Variants in ATG3 observed in about 807,000 individuals in gnomAD.
ATG3 encodes ubiquitin-like-conjugating enzyme ATG3.
ATG3 carries 25 observed loss-of-function variants against 50.7 expected under a neutral mutation model. The ratio of observed to expected loss-of-function variants is 0.49; its 90% CI spans 0.36 to 0.69. The LOEUF is 0.69. ATG3 is among the 30% of genes least tolerant of loss of function. The pLI, the probability that ATG3 is intolerant of heterozygous loss-of-function variation, is 0.00. For missense variants in ATG3, 281 were observed against 376.0 expected (o/e 0.75, Z 2.09); for synonymous variants, 119 against 125.5 (o/e 0.95, Z 0.34).
intron 9 of ATG3, 191 bp downstream of exon 9, chr3:112,537,541 ATTG>A: frequency 4.6e-6 from 2 of 430,202 alleles, no homozygotes; most frequent in East Asian, 7.4e-5. Flanking sequence ...TCTTAGCATT[ATTG>A]TTACACTGAA....
At chr3:112,545,857 C>A (rs1933354655) in intron 5 of ATG3, among the ~76,000 whole-genome samples, 1 of 152,064 alleles carries the variant, frequency 6.6e-6, no homozygotes, top group Admixed American at 6.6e-5. Flanking sequence ...GGTCAAACAC[C>A]ATTCTAGATA....
chr3:112,547,295 T>C (rs1933396044), intron 5 of ATG3, among the ~76,000 whole-genome samples: 1 of 152,216 alleles, frequency 6.6e-6, no homozygotes, highest in Non-Finnish European at 1.5e-5. Context: ...GTTCTATTAC[T>C]ACTAAGGATA....
rs200354159 is a variant in ATG3 at position 112,544,091 on chromosome 3, G to A, written c.359C>T (p.Thr120Met). Residue 120 changes from threonine (T) to methionine (M), a missense_variant, in exon 6 of 12, where the codon ACG becomes ATG. By Grantham distance (81) the Thr-to-Met change is moderately conservative. Coordinates refer to ENST00000283290, the MANE Select transcript of ATG3 (RefSeq NM_022488.5). The part of the protein sequence containing the change: ...TYHNTGITGI[T>M]EAVKEITLEN... Reference sequence around the variant, plus strand: ...CAGTGTGATCTCTTTAACGGCTTCCGTTATTCCTGTAATACCTATGTAAAA... The same window carrying A: ...CAGTGTGATCTCTTTAACGGCTTCCATTATTCCTGTAATACCTATGTAAAA... 426 of 1,601,864 alleles carry A rather than the reference G, an allele frequency of 2.7e-4. No individual in the cohort carries two copies. Among genetic ancestry groups the A allele is most frequent in the Non-Finnish European group, 3.2e-4 (371 of 1,169,768 alleles).
chr3:112,533,816 C>G, intron 11 of ATG3: 1 of 985,800 alleles, frequency 1.0e-6, no homozygotes, highest in Non-Finnish European at 1.2e-6. Flanking sequence ...GAAAAATGAA[C>G]GTACTATATT....
chr3:112,559,862 C>T (rs1438029745), intron 1 of ATG3, among the ~76,000 whole-genome samples: 1 of 152,198 alleles, frequency 6.6e-6, no homozygotes, highest in Non-Finnish European at 1.5e-5. Flanking sequence ...CCAAACAAAA[C>T]ATGATTTTTC....
chr3:112,548,762 A>T, intron 4 of ATG3, 122 bp from the exon 5 acceptor site: 1 of 760,124 alleles, frequency 1.3e-6, no homozygotes, highest in Non-Finnish European at 2.2e-6. Context: ...CTAAGTGAAT[A>T]TTTCACTTTT....
chr3:112,558,525 AC>A, intron 1 of ATG3, 108 bp from the exon 2 acceptor site: 1 of 839,508 alleles, frequency 1.2e-6, no homozygotes, highest in Non-Finnish European at 2.0e-6. Context: ...TAGAGCACAT[AC>A]AAAAAAAAAT....
chr3:112,560,726 TA>T (rs548096132), intron 1 of ATG3, among the ~76,000 whole-genome samples: 29 of 150,646 alleles, frequency 1.9e-4, no homozygotes, highest in African/African-American at 5.6e-4. Context: ...AATTTACCTT[TA>T]AAAAAAAAAT....
intron 1 of ATG3, among the ~76,000 whole-genome samples, chr3:112,560,196 A>G (rs1933811189): frequency 6.6e-6 from 1 of 152,258 alleles, no homozygotes; most frequent in East Asian, 1.9e-4. Flanking sequence ...ACAATGGTGT[A>G]TTATTAAAAT....
chr3:112,557,252 C>T (rs1933712522), intron 2 of ATG3, among the ~76,000 whole-genome samples: 1 of 152,102 alleles, frequency 6.6e-6, no homozygotes, highest in South Asian at 2.1e-4. Context: ...GGGGTTTCGC[C>T]CTGTTAGCCT....
intron 11 of ATG3, 35 bp downstream of exon 11, chr3:112,534,234 A>T: frequency 6.3e-7 from 1 of 1,591,476 alleles, no homozygotes; most frequent in Non-Finnish European, 8.5e-7. Flanking sequence ...GTTAACAGCC[A>T]TTTTGCCACT....
chr3:112,555,783 T>C (rs1169503857), intron 2 of ATG3, among the ~76,000 whole-genome samples: 1 of 152,240 alleles, frequency 6.6e-6, no homozygotes, highest in South Asian at 2.1e-4. Context: ...CCCTGCATTA[T>C]GTAATAGACA....
At position 112,536,988 on chromosome 3, in the gene ATG3, C is replaced by CCTAAAT. The variant is rs552515476; in HGVS notation, c.667-392_667-387dup. ...GAAATTACTATTTAGAAACTTTCAG[C>CCTAAAT]CTAAATCTCAAGGTTTATAATATAT... On this transcript the variant is annotated intron_variant, in intron 9 of 11. Transcript: ENST00000283290. 5.0e-3 allele frequency among the ~76,000 whole-genome samples: 718 copies of CCTAAAT among 142,614 alleles called. 1 individual carries two copies. The highest frequency in any genetic ancestry group is 0.018 in the Middle Eastern group (5 of 272). 93.6% of individuals were successfully genotyped at this position (142,614 alleles called of 152,430 possible). A position where few individuals can be genotyped will look rare whatever the true frequency, so the allele number is the denominator to read the frequency against.
At chr3:112,534,918 G>A (rs1015706928) in intron 10 of ATG3, 3 of 152,050 alleles carry the variant, frequency 2.0e-5, no homozygotes, top group Non-Finnish European at 4.4e-5. Context: ...GGTTAGAGTT[G>A]AGAGGTTTGT....
At chr3:112,553,867 G>C (rs1346035618) in intron 2 of ATG3, among the ~76,000 whole-genome samples, 1 of 151,762 alleles carries the variant, frequency 6.6e-6, no homozygotes, top group Non-Finnish European at 1.5e-5. Context: ...AAGCTTTTTT[G>C]CACTTCTAAA....
At chr3:112,554,940 C>T (rs1472753670) in intron 2 of ATG3, among the ~76,000 whole-genome samples, 1 of 151,994 alleles carries the variant, frequency 6.6e-6, no homozygotes, top group East Asian at 1.9e-4. Flanking sequence ...AGACAAAAAC[C>T]AAAATAAAAA....
Position 112,561,632 on chromosome 3 carries a change from G to T in ATG3, c.-104C>A. On this transcript the variant is annotated 5_prime_UTR_variant, in exon 1 of 12. In the 5' UTR this introduces an upstream ATG that the reference lacks. Transcript: ENST00000283290. ...TCCTCGCTGCCACCGACTCGCATCA[G>T]CACCCGGCTGGCAGCACCCGAGGGG... 8.3e-7 allele frequency: 1 copy of T among 1,212,084 alleles called. No homozygotes were observed. Among genetic ancestry groups the T allele is most frequent in the South Asian group, 1.3e-5 (1 of 75,248 alleles). 75.1% of individuals were successfully genotyped at this position (1,212,084 alleles called of 1,614,324 possible). A position where few individuals can be genotyped will look rare whatever the true frequency, so the allele number is the denominator to read the frequency against.
At chr3:112,545,581 T>C (rs1351832089) in intron 5 of ATG3, among the ~76,000 whole-genome samples, 1 of 152,322 alleles carries the variant, frequency 6.6e-6, no homozygotes, top group East Asian at 1.9e-4. Context: ...TTTCTAGAAA[T>C]TACTATATAA....
At chr3:112,546,314 A>T (rs921045539) in intron 5 of ATG3, among the ~76,000 whole-genome samples, 8 of 152,184 alleles carry the variant, frequency 5.3e-5, no homozygotes, top group Non-Finnish European at 1.0e-4. Flanking sequence ...TGTACATGAC[A>T]GTCGACCTGA....
Sources: allele counts gnomAD v4.1 joint callset (sites outside exome capture counted in the v4.1 genomes callset), GRCh38; gene constraint gnomAD v4.1.1; transcripts MANE v1.5; gene names NCBI Gene and HGNC (gene_info 2026-07-23, HGNC 2026-07-21).